Variants in RIC8B observed in about 807,000 individuals in gnomAD.
RIC8B encodes RIC8 guanine nucleotide exchange factor B, also known as chaperone Ric-8B.
Under a neutral mutation model 57.5 loss-of-function variants are expected in RIC8B, and 16 were observed. That is an observed-to-expected ratio of 0.28 (90% CI 0.19 to 0.42). The LOEUF is 0.42. RIC8B is among the 10% of genes least tolerant of loss of function. RIC8B has a pLI of 1.00. For synonymous variants in RIC8B, 216 were observed against 250.8 expected, an observed-to-expected ratio of 0.86 and a Z score of 1.31; for missense variants, 481 against 677.0, an observed-to-expected ratio of 0.71 and a Z score of 3.21.
chr12:106,847,774 C>T (rs1048386458), intron 6 of RIC8B, among the ~76,000 whole-genome samples: 11 of 152,290 alleles, frequency 7.2e-5, no homozygotes, highest in Admixed American at 3.3e-4. Context: ...TATTTGACTT[C>T]GTGTCTGCCC....
intron 8 of RIC8B, among the ~76,000 whole-genome samples, chr12:106,870,390 C>A (rs926123555): frequency 6.6e-6 from 1 of 152,044 alleles, no homozygotes; most frequent in African/African-American, 2.4e-5. Flanking sequence ...CAGATTGTAG[C>A]CTCTCTGTCA....
intron 2 of RIC8B, among the ~76,000 whole-genome samples, chr12:106,793,528 G>T (rs945961007): frequency 1.1e-4 from 17 of 152,360 alleles, no homozygotes; most frequent in South Asian, 4.1e-4. Context: ...TTGCTAGAGT[G>T]AAAGGAGGAA....
At chr12:106,840,134 T>TA in intron 4 of RIC8B, among the ~76,000 whole-genome samples, 1 of 152,290 alleles carries the variant, frequency 6.6e-6, no homozygotes, top group Middle Eastern at 3.4e-3. Flanking sequence ...ATAAAGAAGA[T>TA]ACATTTGACC....
At chr12:106,842,396 G>A (rs1487526851) in intron 4 of RIC8B, among the ~76,000 whole-genome samples, 193 bp from the exon 5 acceptor site, 2 of 151,878 alleles carry the variant, frequency 1.3e-5, no homozygotes, top group East Asian at 3.9e-4. Flanking sequence ...TTTCTAATTT[G>A]TACAACATAT....
chr12:106,815,228 A>G lies in RIC8B; in HGVS notation c.665A>G (p.Gln222Arg). 4 of 1,614,170 alleles carry G rather than the reference A, an allele frequency of 2.5e-6. No homozygotes were observed. The highest frequency in any genetic ancestry group is 3.4e-6 in the Non-Finnish European group (4 of 1,180,002). ...CATAATGGACCTCCTCTCTCACCTC[A>G]GGAGACAGACTGTGCCATTGAGGCC... Reference protein sequence around the residue: ...IDHNGPPLSPQETDCAIEALK... With the variant: ...IDHNGPPLSPRETDCAIEALK... Residue 222 changes from glutamine to arginine, a missense_variant, in exon 3 of 10, where the codon CAG becomes CGG. Physicochemically the swap from Gln to Arg is conservative, Grantham distance 43. Transcript: ENST00000392837.
At chr12:106,803,750 A>C (rs572270488) in intron 2 of RIC8B, among the ~76,000 whole-genome samples, 1 of 152,314 alleles carries the variant, frequency 6.6e-6, no homozygotes, top group East Asian at 1.9e-4. Context: ...AGAAACACTA[A>C]TGTTGGAGAG....
intron 4 of RIC8B, among the ~76,000 whole-genome samples, chr12:106,827,967 A>T (rs945403243): frequency 4.6e-5 from 7 of 152,248 alleles, no homozygotes; most frequent in African/African-American, 1.7e-4. Flanking sequence ...CGAATAATGA[A>T]TTTAATATCT....
chr12:106,849,002 G>A (rs554888090), intron 6 of RIC8B, among the ~76,000 whole-genome samples: 2 of 152,194 alleles, frequency 1.3e-5, no homozygotes, highest in South Asian at 4.2e-4. Flanking sequence ...ATGAGGAGTG[G>A]GGATGGCTAA....
chr12:106,810,110 C>A (rs2045267398), intron 2 of RIC8B, among the ~76,000 whole-genome samples: 1 of 149,182 alleles, frequency 6.7e-6, no homozygotes, highest in African/African-American at 2.5e-5. Flanking sequence ...TTATTATGTC[C>A]CAGCGTCTAT....
chr12:106,815,929 A>C (rs945116644), intron 3 of RIC8B, among the ~76,000 whole-genome samples: 1 of 152,220 alleles, frequency 6.6e-6, no homozygotes, highest in Non-Finnish European at 1.5e-5. Flanking sequence ...ACTTATTTCT[A>C]AACAAAGATC....
At chr12:106,819,835 T>A (rs570830499) in intron 3 of RIC8B, among the ~76,000 whole-genome samples, 1 of 150,126 alleles carries the variant, frequency 6.7e-6, no homozygotes, top group Admixed American at 6.7e-5. Context: ...ATACTTAGAG[T>A]ATTCCTTCAT....
At chr12:106,871,469 T>C (rs1950399781) in intron 9 of RIC8B, 1 of 76,368 alleles carries the variant, frequency 1.3e-5, no homozygotes, top group Non-Finnish European at 2.6e-5. Context: ...AATTAGGAGT[T>C]CTAAAAAAAA....
At chr12:106,774,889 C>A in intron 1 of RIC8B, 60 bp downstream of exon 1, 1 of 1,259,312 alleles carries the variant, frequency 7.9e-7, no homozygotes, top group Non-Finnish European at 1.1e-6. Flanking sequence ...TCCGTGCTTG[C>A]ACATCGCATC....
chr12:106,822,077 C>CAAAAAAAAAAAAAAA (rs67378158), intron 3 of RIC8B, among the ~76,000 whole-genome samples: 4 of 38,036 alleles, frequency 1.1e-4, no homozygotes, highest in African/African-American at 2.3e-4. Context: ...GACTCCATCT[C>CAAAAAAAAAAAAAAA]AAAAAAAAAA....
Position 106,879,544 on chromosome 12 carries a change from AC to A in RIC8B, c.1572-6359del, listed in dbSNP as rs924590715. On this transcript the variant is annotated intron_variant, in intron 9 of 9. Coordinates refer to ENST00000392837, the MANE Select transcript of RIC8B (RefSeq NM_001330145.2). The surrounding 1 kb of genome is among the most constrained non-coding windows in gnomAD (Gnocchi z 4.9). ...GTTAAAATATATCTGGAAAAAAAAAACAGACCAGAATATTTTAAATATGGTG... is the reference window on the plus strand; with the variant it reads ...GTTAAAATATATCTGGAAAAAAAAAAAGACCAGAATATTTTAAATATGGTG... 3 of 984,952 alleles carry A rather than the reference AC, an allele frequency of 3.0e-6. No individual in the cohort carries two copies. The highest frequency in any genetic ancestry group is 6.2e-5 in the Admixed American group (1 of 16,244). The allele number at this position is 984,952 out of a possible 1,614,324, so 61.0% of individuals were successfully genotyped here.
chr12:106,879,182 C>G lies in RIC8B; in HGVS notation c.1572-6722C>G. On this transcript the variant is annotated intron_variant, in intron 9 of 9. Coordinates refer to ENST00000392837, the MANE Select transcript of RIC8B (RefSeq NM_001330145.2). This position sits in a 1 kb window ranked among gnomAD's most constrained non-coding sequence, Gnocchi z 4.9. ...AAGTGGGAAACAAGAATGCATTTTA[C>G]CAACTGCTTAATTATGTCCTGTTTT... 1 of 985,786 alleles carries G rather than the reference C, an allele frequency of 1.0e-6. No individual in the cohort carries two copies. The highest frequency in any genetic ancestry group is 1.2e-6 in the Non-Finnish European group (1 of 829,898). 61.1% of individuals were successfully genotyped at this position (985,786 alleles called of 1,614,324 possible). A position where few individuals can be genotyped will look rare whatever the true frequency, so the allele number is the denominator to read the frequency against.
At position 106,834,342 on chromosome 12, in the gene RIC8B, A is replaced by T. The variant is rs1489043495; in HGVS notation, c.837-8247A>T. On this transcript the variant is annotated intron_variant, in intron 4 of 9. Coordinates refer to ENST00000392837, the MANE Select transcript of RIC8B (RefSeq NM_001330145.2). ...AATGTTGGTGTCTTTGTATTATAGG[A>T]ATTATTTAAAACAGTTTGTTCATTT... is the stretch of plus-strand genomic sequence containing the variant. Among the ~76,000 whole-genome samples, 3 of 152,150 alleles carry T rather than the reference A, an allele frequency of 2.0e-5. No individual in the cohort carries two copies. The East Asian group carries it at 5.8e-4, about 29-fold the overall frequency.
chr12:106,850,475 T>C (rs1390087390), intron 6 of RIC8B, among the ~76,000 whole-genome samples: 1 of 152,150 alleles, frequency 6.6e-6, no homozygotes, highest in Non-Finnish European at 1.5e-5. Context: ...GAGAAAGGTA[T>C]GTGGGTGGAT....
At chr12:106,848,572 G>A (rs1949311766) in intron 6 of RIC8B, among the ~76,000 whole-genome samples, 1 of 152,188 alleles carries the variant, frequency 6.6e-6, no homozygotes, top group Non-Finnish European at 1.5e-5. Context: ...TGGAGGAGGT[G>A]GGGAGAAGTG....
Sources: gnomAD v4.1 joint callset for allele counts (sites outside exome capture counted in the v4.1 genomes callset) on GRCh38, gnomAD v4.1.1 for gene constraint, Gnocchi (gnomAD v3.1) non-coding constraint, MANE v1.5 for transcripts, NCBI Gene and HGNC (gene_info 2026-07-23, HGNC 2026-07-21) for gene names.